The following MBD1 variants were observed in gnomAD, a reference collection of about 807,000 sequenced individuals.
MBD1 encodes the protein methyl-CpG-binding domain protein 1.
MBD1 carries 25 observed loss-of-function variants against 82.6 expected under a neutral mutation model. The ratio of observed to expected loss-of-function variants is 0.30; its 90% CI spans 0.22 to 0.42. MBD1 has a LOEUF of 0.42. Ranked by LOEUF, MBD1 falls within the 10% of genes least tolerant of loss-of-function variation. The pLI is 1.00. For synonymous variants in MBD1, 301 were observed against 303.7 expected (o/e 0.99, Z 0.09); for missense variants, 627 against 819.6 (o/e 0.76, Z 2.87).
intron 2 of MBD1, among the ~76,000 whole-genome samples, chr18:50,277,772 T>C (rs2038599925): frequency 6.6e-6 from 1 of 152,134 alleles, no homozygotes; most frequent in South Asian, 2.1e-4. Flanking sequence ...CCTTGGAAGA[T>C]AAGAGATAGG....
intron 2 of MBD1, among the ~76,000 whole-genome samples, chr18:50,278,846 A>G (rs1027442991): frequency 6.6e-6 from 1 of 152,162 alleles, no homozygotes; most frequent in African/African-American, 2.4e-5. Flanking sequence ...ATTACTTAAT[A>G]CATATTTTTT....
rs780479713 is a variant in MBD1, at chr18:50,273,649, G to A, written c.1361C>T (p.Thr454Ile). 6.2e-7 allele frequency: 1 copy of A among 1,613,946 alleles called. No homozygotes were observed. The highest frequency in any genetic ancestry group is 8.5e-7 in the Non-Finnish European group (1 of 1,180,040). The change falls in exon 12 of 17, where the codon ACT becomes ATT. Residue 454 changes from threonine to isoleucine, a missense_variant. By Grantham distance (89) the Thr-to-Ile change is moderately conservative. Around this residue, in one of 6 missense-constraint regions of MBD1, gnomAD observed 265 missense variants for 278.4 expected, o/e 0.95. Transcript: ENST00000269468. ...GGGFVLPPPG[T>I]DLVFLREGAS... is the part of the protein sequence containing the mutation. ...GCCTTCCCGTAAAAACACAAGGTCA[G>A]TGCCAGGCGGGGGCAGCACAAAGCC...
At position 50,269,527 on chromosome 18, in the gene MBD1, G is replaced by C; in HGVS notation, c.*324C>G. The stretch of plus-strand genomic sequence containing the variant: ...TGCCATGTATCTGCTAGATCACCTC[G>C]TTGGTGTGGGCAGTAGTCAGGCCTG... On this transcript the variant is annotated 3_prime_UTR_variant, in exon 17 of 17. Coordinates refer to ENST00000269468, the MANE Select transcript of MBD1 (RefSeq NM_015846.4). 1 of 717,470 alleles carries C rather than the reference G, an allele frequency of 1.4e-6. No homozygotes were observed. Among genetic ancestry groups the C allele is most frequent in the Non-Finnish European group, 2.6e-6 (1 of 387,376 alleles). 44.4% of individuals were successfully genotyped at this position (717,470 alleles called of 1,614,324 possible). A position where few individuals can be genotyped will look rare whatever the true frequency, so the allele number is the denominator to read the frequency against.
intron 8 of MBD1, 157 bp from the exon 9 acceptor site, chr18:50,275,402 GCTGACATCT>G: frequency 6.2e-7 from 1 of 1,607,074 alleles, no homozygotes; most frequent in East Asian, 2.2e-5. Flanking sequence ...GGAGTGCGTC[GCTGACATCT>G]CTGATGACGG....
intron 2 of MBD1, among the ~76,000 whole-genome samples, chr18:50,278,879 G>GTC (rs1191780460): frequency 6.6e-6 from 1 of 152,086 alleles, no homozygotes; most frequent in African/African-American, 2.4e-5. Context: ...TATTTGCATG[G>GTC]TCTTTGAATG....
Position 50,269,187 on chromosome 18 carries a change from T to C in MBD1, c.*664A>G. On this transcript the variant is annotated 3_prime_UTR_variant, in exon 17 of 17. Transcript: ENST00000269468. ...CCAGGACCAGCAAGTTTTTTCTGGG[T>C]GGGCTTCATAGAATCTCTGTACTTG... is the stretch of plus-strand genomic sequence containing the variant. 1 of 1,039,140 alleles carries C rather than the reference T, an allele frequency of 9.6e-7. No homozygotes were observed. Among genetic ancestry groups the C allele is most frequent in the Non-Finnish European group, 1.2e-6 (1 of 862,462 alleles). 64.4% of individuals were successfully genotyped at this position (1,039,140 alleles called of 1,614,324 possible).
Position 50,273,566 on chromosome 18 carries a change from G to C in MBD1, c.1444C>G (p.Gln482Glu), listed in dbSNP as rs1390841969. Residue 482 changes from glutamine to glutamate, a missense_variant and splice_region_variant, in exon 12 of 17, where the codon CAG becomes GAG. By Grantham distance (29) the Gln-to-Glu change is conservative. Around this residue, in one of 6 missense-constraint regions of MBD1, gnomAD observed 265 missense variants for 278.4 expected, o/e 0.95. Transcript: ENST00000269468. ...GCAGGACAGGGTGGGGCCCTCACCT[G>C]CAACAGGGCTTCTGTGGAAGCTGCA... ...PVAASTEALL[Q>E]EAQCSGLSWV... 2 of 1,612,806 alleles carry C rather than the reference G, an allele frequency of 1.2e-6. No individual in the cohort carries two copies. The highest frequency in any genetic ancestry group is 1.7e-6 in the Non-Finnish European group (2 of 1,180,018).
chr18:50,273,535 G>A (rs780285138), intron 12 of MBD1, 29 bp downstream of exon 12: 1 of 1,613,316 alleles, frequency 6.2e-7, no homozygotes, highest in Non-Finnish European at 8.5e-7. Flanking sequence ...GGGTGAGGCT[G>A]GGAAGGCAGG....
At chr18:50,270,644 C>T (rs952580639) in intron 16 of MBD1, 78 of 276,768 alleles carry the variant, frequency 2.8e-4, no homozygotes, top group African/African-American at 1.6e-3. Flanking sequence ...TTTGAGGAAT[C>T]CTATGCAGCA....
chr18:50,274,883 G>A (rs1356389691), intron 10 of MBD1, 94 bp downstream of exon 10: 7 of 1,312,952 alleles, frequency 5.3e-6, no homozygotes, highest in South Asian at 4.9e-5. Flanking sequence ...GTGCCTTGCT[G>A]TTCCCCAATA....
At chr18:50,270,333 C>CA in intron 16 of MBD1, 1 of 700,884 alleles carries the variant, frequency 1.4e-6, no homozygotes, top group Admixed American at 1.9e-5. Flanking sequence ...AGCTGGCTAA[C>CA]AAATTACAGG....
intron 11 of MBD1, 84 bp from the exon 12 acceptor site, chr18:50,273,947 C>A: frequency 6.5e-7 from 1 of 1,532,406 alleles, no homozygotes; most frequent in Non-Finnish European, 9.0e-7. Flanking sequence ...GCCTGCTAAT[C>A]TCCCATCAGT....
downstream of MBD1, chr18:50,266,967 C>T (rs1457397948): frequency 3.1e-5 from 5 of 160,340 alleles, no homozygotes; most frequent in African/African-American, 1.2e-4. Flanking sequence ...GAGACAAGGT[C>T]TCGCTCTGTC....
At chr18:50,272,792 T>A (rs1599296012) in intron 14 of MBD1, 32 bp downstream of exon 14, 4 of 1,614,128 alleles carry the variant, frequency 2.5e-6, no homozygotes, top group Non-Finnish European at 1.7e-6. Flanking sequence ...TACAGCAGGG[T>A]CAGGGCAGGG....
chr18:50,276,428 G>C lies in MBD1; in HGVS notation c.476-10C>G, dbSNP rs1472312989. 6.2e-7 allele frequency: 1 copy of C among 1,613,872 alleles called. No individual in the cohort carries two copies. The highest frequency in any genetic ancestry group is 8.5e-7 in the Non-Finnish European group (1 of 1,179,898). ...AAGGCAATTCTCTGTGCTGTGGGGA[G>C]GAAGAGGGAAGAAGAAAAGTGGAAA... On this transcript the variant is annotated splice_polypyrimidine_tract_variant and intron_variant, in intron 5 of 16. Transcript: ENST00000269468.
At chr18:50,275,360 A>T in intron 8 of MBD1, 115 bp from the exon 9 acceptor site, 1 of 1,611,770 alleles carries the variant, frequency 6.2e-7, no homozygotes, top group Non-Finnish European at 8.5e-7. Context: ...GGGTGGCGTG[A>T]GGCACTCACA....
intron 2 of MBD1, 173 bp downstream of exon 2, chr18:50,279,710 T>A (rs2148823613): frequency 3.5e-6 from 3 of 867,362 alleles, no homozygotes; most frequent in Non-Finnish European, 5.2e-6. Context: ...TAGTGACTTT[T>A]AAGTTACAAA....
downstream of MBD1, among the ~76,000 whole-genome samples, chr18:50,268,082 G>A (rs1240772870): frequency 1.3e-5 from 2 of 152,226 alleles, no homozygotes; most frequent in African/African-American, 4.8e-5. Flanking sequence ...TTAGGTGGTC[G>A]TCTCGGTTTC....
At chr18:50,271,335 A>G in intron 16 of MBD1, 134 bp downstream of exon 16, 1 of 1,567,998 alleles carries the variant, frequency 6.4e-7, no homozygotes, top group African/African-American at 1.4e-5. Context: ...AAGTACTCTT[A>G]GGCCTGCTCT....
Sources: gnomAD v4.1 joint callset for allele counts (sites outside exome capture counted in the v4.1 genomes callset) on GRCh38, gnomAD v4.1.1 for gene constraint, gnomAD v4.1.1 regional missense constraint, MANE v1.5 for transcripts, NCBI Gene and HGNC (gene_info 2026-07-23, HGNC 2026-07-21) for gene names.